JUP: variants seen among roughly 807,000 people sequenced by gnomAD.
JUP encodes junction plakoglobin, also known as catenin (cadherin-associated protein), gamma 80kDa.
A neutral mutation model predicts 71.1 loss-of-function variants in JUP; 28 were observed. The observed-to-expected ratio is 0.39, with a 90% CI of 0.29 to 0.54. The LOEUF is 0.54. JUP is among the 20% of genes least tolerant of loss of function. The pLI is 0.62. For missense variants in JUP, 869 were observed against 1,030.1 expected (o/e 0.84, Z 2.14); for synonymous variants, 401 against 438.9 (o/e 0.91, Z 1.08).
rs7217013 is a variant in JUP, at chr17:41,758,131, A to G, written c.1773+268T>C. ...TTTTTAGGTTCTTTCTGAAATACAG[A>G]TGGTTTTCATGTTTATATGGTTGAA... On this transcript the variant is annotated intron_variant, in intron 10 of 13. Transcript: ENST00000393931. The G allele has an allele frequency of 0.015, 8,135 of 526,054 alleles. 503 individuals carry two copies. The highest frequency in any genetic ancestry group is 0.14 in the African/African-American group (7,187 of 52,478). The allele number at this position is 526,054 out of a possible 1,614,324, so 32.6% of individuals were successfully genotyped here. A position where few individuals can be genotyped will look rare whatever the true frequency, so the allele number is the denominator to read the frequency against.
At chr17:41,786,347 T>C (rs1214333847) in intron 1 of JUP, 2 of 151,954 alleles carry the variant, frequency 1.3e-5, no homozygotes, top group Non-Finnish European at 2.9e-5. Flanking sequence ...CGGAGGCACC[T>C]GTCCGGATCC....
At position 41,777,053 on chromosome 17, in the gene JUP, C is replaced by A. The variant is rs367899537; in HGVS notation, c.-8-5191G>T. 1.6e-4 allele frequency among the ~76,000 whole-genome samples: 25 copies of A among 152,254 alleles called. No individual in the cohort carries two copies. In the South Asian group the frequency reaches 5.0e-3, roughly 30 times the overall value. ...AAATTTAAAAAGGCGAGGGCTGGCA[C>A]AGAGACCTGTCGGGCAAGGTGGATG... On this transcript the variant is annotated intron_variant, in intron 1 of 13. Coordinates refer to ENST00000393931, the MANE Select transcript of JUP (RefSeq NM_002230.4).
chr17:41,760,446 G>A (rs528715201), intron 8 of JUP, among the ~76,000 whole-genome samples: 99 of 151,936 alleles, frequency 6.5e-4, no homozygotes, highest in African/African-American at 2.3e-3. Context: ...TTTTAGTAGA[G>A]ATGGGGTTTC....
At position 41,755,493 on chromosome 17, in the gene JUP, C is replaced by T. The variant is rs1913545933; in HGVS notation, c.*251G>A. The T allele has an allele frequency of 4.6e-6, 2 of 438,032 alleles. No individual in the cohort carries two copies. Among genetic ancestry groups the T allele is most frequent in the Non-Finnish European group, 8.0e-6 (2 of 249,074 alleles). 27.1% of individuals were successfully genotyped at this position (438,032 alleles called of 1,614,324 possible). On this transcript the variant is annotated 3_prime_UTR_variant, in exon 14 of 14. Transcript: ENST00000393931. ...CTCGGTGGACCTGCATCCCCAGAAG[C>T]TCAAGCCACTCCGTGTCACCTGCCC...
At chr17:41,777,535 G>A (rs1328283989) in intron 1 of JUP, among the ~76,000 whole-genome samples, 2 of 152,258 alleles carry the variant, frequency 1.3e-5, no homozygotes, top group Non-Finnish European at 2.9e-5. Flanking sequence ...GGAACCTCCT[G>A]CAGACTACAG....
chr17:41,781,356 CAAAA>C (rs551922002), intron 1 of JUP, among the ~76,000 whole-genome samples: 4 of 120,364 alleles, frequency 3.3e-5, no homozygotes, highest in Non-Finnish European at 7.1e-5. Flanking sequence ...GACTCCATCT[CAAAA>C]AAAAAAAAAG....
chr17:41,757,266 C>T, intron 12 of JUP, 149 bp downstream of exon 12: 1 of 944,626 alleles, frequency 1.1e-6, no homozygotes. Flanking sequence ...CAACCCACTA[C>T]TTCCATCTGC....
intron 7 of JUP, among the ~76,000 whole-genome samples, 157 bp downstream of exon 7, chr17:41,764,556 A>G (rs889821231): frequency 1.3e-5 from 2 of 151,208 alleles, no homozygotes; most frequent in Admixed American, 1.3e-4. Flanking sequence ...AAAAAAAAAA[A>G]AGAGATGAGG....
At chr17:41,771,585 G>C (rs1916653196) in intron 2 of JUP, 62 bp downstream of exon 2, 6 of 1,487,738 alleles carry the variant, frequency 4.0e-6, no homozygotes, top group Non-Finnish European at 5.6e-6. Context: ...CTTTCACTCT[G>C]ACCTCTCTCC....
intron 1 of JUP, among the ~76,000 whole-genome samples, chr17:41,777,273 C>CT (rs1186402226): frequency 2.0e-5 from 3 of 152,184 alleles, no homozygotes; most frequent in African/African-American, 7.2e-5. Context: ...CCAGGGGCAG[C>CT]TGCACAGCCA....
intron 1 of JUP, chr17:41,772,970 G>A (rs782112199): frequency 3.0e-6 from 3 of 985,410 alleles, no homozygotes; most frequent in African/African-American, 1.7e-5. Flanking sequence ...GGCCTACTAC[G>A]AGCCAGACCT....
chr17:41,757,394 G>A (rs782722161), intron 12 of JUP, 21 bp downstream of exon 12: 25 of 1,613,722 alleles, frequency 1.5e-5, no homozygotes, highest in Middle Eastern at 1.6e-4. Flanking sequence ...CAACTACTGT[G>A]GTCCAACCTA....
chr17:41,785,415 AGAAG>A (rs1486629397), intron 1 of JUP, among the ~76,000 whole-genome samples: 1 of 152,140 alleles, frequency 6.6e-6, no homozygotes, highest in Non-Finnish European at 1.5e-5. Context: ...AGGCAGGAAG[AGAAG>A]GAAGAAGCTG....
intron 1 of JUP, among the ~76,000 whole-genome samples, chr17:41,779,616 C>T (rs2047065720): frequency 2.0e-5 from 3 of 152,124 alleles, no homozygotes; most frequent in African/African-American, 7.2e-5. Context: ...GCGTGAGCCA[C>T]CGCGGCTGGC....
chr17:41,773,951 C>G (rs1555607877), intron 1 of JUP, among the ~76,000 whole-genome samples: 1 of 152,244 alleles, frequency 6.6e-6, no homozygotes, highest in African/African-American at 2.4e-5. Context: ...TGCTGGACAT[C>G]TGCAGCTCTG....
Position 41,769,196 on chromosome 17 carries a change from G to A in JUP, c.480C>T (p.Thr160=). 7 of 1,600,748 alleles carry A rather than the reference G, an allele frequency of 4.4e-6. No individual in the cohort carries two copies. The highest frequency in any genetic ancestry group is 5.9e-6 in the Non-Finnish European group (7 of 1,179,924). ...GCTGGTTCACAATCATGGCCGCCTTGGTCACCACCACCTGGAGGGCAAAGG... is the reference window on the plus strand; with the variant it reads ...GCTGGTTCACAATCATGGCCGCCTTAGTCACCACCACCTGGAGGGCAAAGG... The part of the protein sequence containing the change: ...LLNDEDPVVV[T]KAAMIVNQLS... The change falls in exon 4 of 14, where the codon ACC becomes ACT. Residue 160 remains threonine (T), a synonymous_variant. Transcript: ENST00000393931.
In JUP at chr17:41,764,772, G is replaced by C. The variant is rs76416187; in HGVS notation, c.1099C>G (p.Arg367Gly). The C allele has an allele frequency of 6.2e-6, 10 of 1,613,510 alleles. No homozygotes were observed. Among genetic ancestry groups the C allele is most frequent in the African/African-American group, 1.3e-5 (1 of 74,856 alleles). ...LGKHLTSNSP[R>G]LVQNCLWTLR... is the part of the protein sequence containing the mutation. ...GTCCACAGGCAGTTCTGCACCAGGC[G>C]GGGGCTGTTGCTGGTCAGGTGCTTG... is the stretch of plus-strand genomic sequence containing the variant. Residue 367 changes from arginine to glycine, a missense_variant, in exon 7 of 14, where the codon CGC (arginine) becomes GGC (glycine). Physicochemically the swap from Arg to Gly is moderately radical, Grantham distance 125. Transcript: ENST00000393931.
intron 1 of JUP, among the ~76,000 whole-genome samples, chr17:41,777,530 C>A (rs1208315689): frequency 1.3e-5 from 2 of 152,240 alleles, no homozygotes; most frequent in African/African-American, 4.8e-5. Flanking sequence ...AGGACGGAAC[C>A]TCCTGCAGAC....
At chr17:41,769,288 A>G in intron 3 of JUP, 81 bp from the exon 4 acceptor site, 1 of 1,555,222 alleles carries the variant, frequency 6.4e-7, no homozygotes, top group Non-Finnish European at 8.8e-7. Flanking sequence ...GGAGGGCCCC[A>G]GTCAGACTCA....
Sources: allele counts gnomAD v4.1 joint callset (sites outside exome capture counted in the v4.1 genomes callset), GRCh38; gene constraint gnomAD v4.1.1; transcripts MANE v1.5; gene names NCBI Gene and HGNC (gene_info 2026-07-23, HGNC 2026-07-21).